Variants in SLC8A1 observed in about 807,000 individuals in gnomAD.
SLC8A1 encodes sodium/calcium exchanger 1.
SLC8A1 carries 18 observed loss-of-function variants against 68.3 expected under a neutral mutation model. The observed-to-expected ratio is 0.26, with a 90% confidence interval of 0.18 to 0.39. The LOEUF is 0.39. SLC8A1 is among the 10% of genes least tolerant of loss of function. The pLI is 1.00. For missense variants in SLC8A1, 985 were observed against 1,156.7 expected, an observed-to-expected ratio of 0.85 and a Z score of 2.15; for synonymous variants, 475 against 415.5, an observed-to-expected ratio of 1.14 and a Z score of -1.74.
chr2:40,178,066 C>G (rs774828521), intron 2 of SLC8A1, among the ~76,000 whole-genome samples: 1 of 152,186 alleles, frequency 6.6e-6, no homozygotes, highest in Non-Finnish European at 1.5e-5. Flanking sequence ...GAATTATTCC[C>G]GCTTCAGTTA....
chr2:40,338,952 C>T (rs1281847054), intron 2 of SLC8A1, among the ~76,000 whole-genome samples: 1 of 152,170 alleles, frequency 6.6e-6, no homozygotes, highest in Non-Finnish European at 1.5e-5. Flanking sequence ...ACCAGAGTCT[C>T]TCCAAGCCAC....
At chr2:40,154,912 T>C (rs1481126586) in intron 6 of SLC8A1, among the ~76,000 whole-genome samples, 1 of 152,136 alleles carries the variant, frequency 6.6e-6, no homozygotes, top group Non-Finnish European at 1.5e-5. Context: ...TGAGAAACTT[T>C]CTTAGGACAG....
At chr2:40,391,980 T>G (rs891467471) in intron 2 of SLC8A1, among the ~76,000 whole-genome samples, 1 of 151,948 alleles carries the variant, frequency 6.6e-6, no homozygotes, top group Non-Finnish European at 1.5e-5. Flanking sequence ...GACTTATTTC[T>G]TCTCATTCAG....
chr2:40,338,953 T>C (rs1575525871), intron 2 of SLC8A1, among the ~76,000 whole-genome samples: 1 of 152,172 alleles, frequency 6.6e-6, no homozygotes, highest in Admixed American at 6.5e-5. Context: ...CCAGAGTCTC[T>C]CCAAGCCACA....
chr2:40,309,220 G>A (rs1345948727), intron 2 of SLC8A1, among the ~76,000 whole-genome samples: 2 of 152,092 alleles, frequency 1.3e-5, no homozygotes, highest in Non-Finnish European at 1.5e-5. Context: ...TTATTCAAGA[G>A]GTATTTCTAA....
chr2:40,192,901 T>TC (rs1218872012), intron 2 of SLC8A1, among the ~76,000 whole-genome samples: 5 of 152,146 alleles, frequency 3.3e-5, no homozygotes, highest in Non-Finnish European at 7.4e-5. Context: ...CAATCCTGGG[T>TC]CTTCAGACCC....
intron 2 of SLC8A1, 112 bp from the exon 3 acceptor site, chr2:40,178,605 C>G (rs370531217): frequency 1.2e-6 from 1 of 845,032 alleles, no homozygotes; most frequent in Non-Finnish European, 1.9e-6. Flanking sequence ...AAACAGTAAT[C>G]GAGAAACTTC....
chr2:40,371,230 T>C (rs1000136598), intron 2 of SLC8A1, among the ~76,000 whole-genome samples: 10 of 152,084 alleles, frequency 6.6e-5, no homozygotes, highest in Non-Finnish European at 1.3e-4. Context: ...CACATTTTCC[T>C]TTCAGTGTAG....
chr2:40,265,355 C>T (rs959002330), intron 2 of SLC8A1, among the ~76,000 whole-genome samples: 4 of 152,216 alleles, frequency 2.6e-5, no homozygotes, highest in East Asian at 3.9e-4. Flanking sequence ...TTTTGTACTA[C>T]CTTACAGTAC....
At chr2:40,280,024 A>C (rs1465536627) in intron 2 of SLC8A1, among the ~76,000 whole-genome samples, 2 of 152,188 alleles carry the variant, frequency 1.3e-5, no homozygotes, top group Non-Finnish European at 2.9e-5. Flanking sequence ...AGCATTTGTA[A>C]ATTGCAAGCT....
intron 2 of SLC8A1, among the ~76,000 whole-genome samples, chr2:40,409,320 G>A (rs1691388991): frequency 6.6e-6 from 1 of 152,030 alleles, no homozygotes; most frequent in African/African-American, 2.4e-5. Context: ...CAGGCTTCAG[G>A]AATATAGTTG....
At chr2:40,272,323 G>A (rs923632639) in intron 2 of SLC8A1, among the ~76,000 whole-genome samples, 3 of 152,132 alleles carry the variant, frequency 2.0e-5, no homozygotes, top group African/African-American at 7.2e-5. Context: ...GTTTGGGAGG[G>A]TTCTTTTCCT....
At chr2:40,267,652 T>C (rs779845203) in intron 2 of SLC8A1, among the ~76,000 whole-genome samples, 1 of 152,216 alleles carries the variant, frequency 6.6e-6, no homozygotes, top group Non-Finnish European at 1.5e-5. Context: ...GAAAAAATTA[T>C]AGATTCTGTC....
intron 2 of SLC8A1, among the ~76,000 whole-genome samples, chr2:40,235,970 T>C (rs1356990535): frequency 5.9e-5 from 9 of 151,510 alleles, no homozygotes; most frequent in African/African-American, 9.7e-5. Flanking sequence ...AGAGATAGTT[T>C]GTTATAATTT....
At chr2:40,509,399 T>A (rs1273195745) in intron 1 of SLC8A1, among the ~76,000 whole-genome samples, 1 of 151,716 alleles carries the variant, frequency 6.6e-6, no homozygotes, top group African/African-American at 2.4e-5. Flanking sequence ...CCACTCAGTG[T>A]CTCCCAGCTT....
chr2:40,115,734 A>G, intron 7 of SLC8A1, 105 bp from the exon 11 acceptor site: 1 of 1,415,410 alleles, frequency 7.1e-7, no homozygotes, highest in Non-Finnish European at 9.4e-7. Context: ...CTTAATATAA[A>G]CCCAGTGACC....
At chr2:40,296,292 A>G (rs1051921738) in intron 2 of SLC8A1, among the ~76,000 whole-genome samples, 4 of 152,174 alleles carry the variant, frequency 2.6e-5, no homozygotes, top group African/African-American at 9.6e-5. Context: ...CTAGGTCTCA[A>G]AATTTCTAGG....
intron 2 of SLC8A1, among the ~76,000 whole-genome samples, chr2:40,381,984 A>G (rs1474592575): frequency 1.3e-5 from 2 of 151,990 alleles, no homozygotes; most frequent in East Asian, 3.9e-4. Flanking sequence ...CTGATCTCCT[A>G]TCTCCTCGGC....
At chr2:40,261,761 T>A (rs2064740921) in intron 2 of SLC8A1, among the ~76,000 whole-genome samples, 1 of 152,058 alleles carries the variant, frequency 6.6e-6, no homozygotes, top group Non-Finnish European at 1.5e-5. Flanking sequence ...CGTTGCACTG[T>A]GCTTTTCAGT....
Sources: allele counts gnomAD v4.1 joint callset (sites outside exome capture counted in the v4.1 genomes callset), GRCh38; gene constraint gnomAD v4.1.1; transcripts MANE v1.5; gene names NCBI Gene and HGNC (gene_info 2026-07-23, HGNC 2026-07-21).